C8orf89: variants seen among roughly 807,000 people sequenced by gnomAD.
C8orf89 encodes the protein chromosome 8 open reading frame 89.
Under a neutral mutation model 15.8 loss-of-function variants are expected in C8orf89, and 14 were observed. That is an observed-to-expected ratio of 0.89 (90% CI 0.59 to 1.39). The LOEUF is 1.39. Ranked by LOEUF, C8orf89 falls within the 40% of genes most tolerant of loss-of-function variation. The probability of loss-of-function intolerance (pLI) is 0.00; values close to 1 mark genes in which losing one functional copy is unlikely to be tolerated. For synonymous variants in C8orf89, 55 were observed against 62.2 expected (o/e 0.88, Z 0.54); for missense variants, 181 against 184.5 (o/e 0.98, Z 0.11).
the C8orf89 span, among the ~76,000 whole-genome samples, chr8:73,264,870 C>T: frequency 6.6e-6 from 1 of 152,138 alleles, no homozygotes; most frequent in African/African-American, 2.4e-5. Flanking sequence ...GTGAAGAGCA[C>T]TCTTCACAAA....
At chr8:73,277,982 A>G in the C8orf89 span, 4 of 633,208 alleles carry the variant, frequency 6.3e-6, no homozygotes, top group African/African-American at 3.7e-5. Context: ...AGCAGCCCCC[A>G]GGGCTCTTGC....
chr8:73,260,247 G>A (rs1374149750), upstream of C8orf89, among the ~76,000 whole-genome samples: 2 of 152,136 alleles, frequency 1.3e-5, no homozygotes, highest in Non-Finnish European at 2.9e-5. Flanking sequence ...TGAGAAAATG[G>A]ATAATACATT....
chr8:73,258,508 G>A (rs2130289120), intron 1 of C8orf89, among the ~76,000 whole-genome samples: 1 of 151,814 alleles, frequency 6.6e-6, no homozygotes, highest in Non-Finnish European at 1.5e-5. Flanking sequence ...AAAGTAAGGG[G>A]GAATAACTAT....
At chr8:73,267,024 C>T in the C8orf89 span, among the ~76,000 whole-genome samples, 1 of 152,092 alleles carries the variant, frequency 6.6e-6, no homozygotes, top group Non-Finnish European at 1.5e-5. Flanking sequence ...GGACTATAAA[C>T]CTTAATAAGA....
At chr8:73,249,817 T>C (rs1223639872) in intron 3 of C8orf89, among the ~76,000 whole-genome samples, 1 of 152,066 alleles carries the variant, frequency 6.6e-6, no homozygotes, top group African/African-American at 2.4e-5. Flanking sequence ...TTCACAAAAA[T>C]AGCAATTAGA....
intron 1 of C8orf89, among the ~76,000 whole-genome samples, chr8:73,258,099 A>C (rs1468756733): frequency 1.3e-5 from 2 of 152,192 alleles, no homozygotes; most frequent in Non-Finnish European, 2.9e-5. Flanking sequence ...ATCATTGAGT[A>C]GTTTGCATTT....
chr8:73,268,686 ATATGGAAATATT>A, the C8orf89 span, among the ~76,000 whole-genome samples: 1 of 152,202 alleles, frequency 6.6e-6, no homozygotes, highest in African/African-American at 2.4e-5. Flanking sequence ...TTCCAGATAT[ATATGGAAATATT>A]TATGGATAAA....
In C8orf89 at chr8:73,256,912, A is replaced by G. The variant is rs538656811; in HGVS notation, c.281+61T>C. ...ATTCACTGACCAGAAAAACCTCTAC[A>G]TTCAGCAGTATTACTACAAATACAC... On this transcript the variant is annotated intron_variant, in intron 2 of 3. Coordinates refer to ENST00000624510, the MANE Select transcript of C8orf89 (RefSeq NM_001243237.3). 182 of 1,236,614 alleles carry G rather than the reference A, an allele frequency of 1.5e-4. 2 individuals are homozygous for G. In the South Asian group the frequency reaches 3.6e-3, roughly 25 times the overall value. 76.6% of individuals were successfully genotyped at this position (1,236,614 alleles called of 1,614,324 possible).
chr8:73,260,355 G>A (rs1813499927), upstream of C8orf89, among the ~76,000 whole-genome samples: 1 of 151,948 alleles, frequency 6.6e-6, no homozygotes, highest in African/African-American at 2.4e-5. Flanking sequence ...CTTGGACACA[G>A]GAAGGGGAAC....
chr8:73,279,594 G>A, the C8orf89 span, among the ~76,000 whole-genome samples: 3 of 152,276 alleles, frequency 2.0e-5, no homozygotes, highest in African/African-American at 7.2e-5. Context: ...AAAGATAGGT[G>A]TACTAATGCA....
intron 3 of C8orf89, among the ~76,000 whole-genome samples, chr8:73,244,916 T>C (rs1034144925): frequency 6.6e-6 from 1 of 152,246 alleles, no homozygotes; most frequent in Admixed American, 6.5e-5. Flanking sequence ...TGTACACATG[T>C]ATTAGTCCAT....
chr8:73,259,390 A>G lies in C8orf89; in HGVS notation c.69T>C (p.Cys23=). 2.6e-6 allele frequency: 4 copies of G among 1,531,742 alleles called. No homozygotes were observed. The highest frequency in any genetic ancestry group is 3.5e-6 in the Non-Finnish European group (4 of 1,143,516). 94.9% of individuals were successfully genotyped at this position (1,531,742 alleles called of 1,614,324 possible). ...TCTTCCAACTACTCTCAAAAATCAA[A>G]CAACTGCCAAAGGAACTTCTGGTGA... The part of the protein sequence containing the change: ...SKFTRSSFGS[C]LIFESSWKKA... Residue 23 remains cysteine (C), a synonymous_variant, in exon 1 of 4, where the codon TGT becomes TGC. Coordinates refer to ENST00000624510, the MANE Select transcript of C8orf89 (RefSeq NM_001243237.3).
intron 3 of C8orf89, among the ~76,000 whole-genome samples, chr8:73,247,552 C>T (rs1813154072): frequency 6.6e-6 from 1 of 152,200 alleles, no homozygotes; most frequent in African/African-American, 2.4e-5. Flanking sequence ...AATTTACATT[C>T]CCACCAATAG....
chr8:73,257,154 T>C (rs1327217417), intron 1 of C8orf89, 28 bp from the exon 2 acceptor site: 3 of 1,428,662 alleles, frequency 2.1e-6, no homozygotes, highest in Non-Finnish European at 2.8e-6. Flanking sequence ...AGAATCATCT[T>C]GATTAAATGC....
At chr8:73,278,133 T>C in the C8orf89 span, 4 of 306,818 alleles carry the variant, frequency 1.3e-5, no homozygotes, top group South Asian at 1.6e-4. Flanking sequence ...AAATGCCAGA[T>C]TCAGAAACCT....
chr8:73,246,386 T>C (rs562468521), intron 3 of C8orf89, among the ~76,000 whole-genome samples: 62 of 152,332 alleles, frequency 4.1e-4, no homozygotes, highest in South Asian at 2.1e-4. Context: ...TGTTTGTTTG[T>C]TTGCTTGTTT....
the C8orf89 span, among the ~76,000 whole-genome samples, chr8:73,282,233 T>C: frequency 3.9e-5 from 6 of 152,316 alleles, no homozygotes; most frequent in African/African-American, 1.2e-4. Context: ...AGATTCTGCC[T>C]GCACAGAATT....
Position 73,256,994 on chromosome 8 carries a change from T to A in C8orf89, c.260A>T (p.Asp87Val), listed in dbSNP as rs1813408001. The stretch of plus-strand genomic sequence containing the variant: ...CTACCTGACTGCAGACACCTCGGCA[T>A]CAGCACGTGGCAGTCTTTTAGGAAC... ...LEVPKRLPRA[D>V]AEVSAVRLKK... The change falls in exon 2 of 4, where the codon GAT becomes GTT. Residue 87 changes from aspartate to valine, a missense_variant. Transcript: ENST00000624510. 6 of 1,534,742 alleles carry A rather than the reference T, an allele frequency of 3.9e-6. No individual in the cohort carries two copies. The highest frequency in any genetic ancestry group is 4.4e-6 in the Non-Finnish European group (5 of 1,146,304).
At chr8:73,249,382 T>G (rs1252171443) in intron 3 of C8orf89, among the ~76,000 whole-genome samples, 2 of 152,108 alleles carry the variant, frequency 1.3e-5, no homozygotes, top group Non-Finnish European at 2.9e-5. Flanking sequence ...TGTGGTTTTC[T>G]TTTTTTGTTG....
Sources: allele counts gnomAD v4.1 joint callset (sites outside exome capture counted in the v4.1 genomes callset), GRCh38; gene constraint gnomAD v4.1.1; transcripts MANE v1.5; gene names NCBI Gene and HGNC (gene_info 2026-07-23, HGNC 2026-07-21).